The following SIMC1 variants were observed in gnomAD, a reference collection of about 807,000 sequenced individuals.
SIMC1 encodes the protein SUMO interacting motifs containing 1.
Under a neutral mutation model 82.3 loss-of-function variants are expected in SIMC1, and 55 were observed. That is an observed-to-expected ratio of 0.67 (90% CI 0.54 to 0.84). SIMC1 has a LOEUF of 0.84. Among genes scored for constraint, SIMC1 ranks in the 40% least tolerant of loss-of-function variants. The pLI is 0.00. For synonymous variants in SIMC1, 353 were observed against 426.3 expected, an observed-to-expected ratio of 0.83 and a Z score of 2.12; for missense variants, 915 against 1,107.2, an observed-to-expected ratio of 0.83 and a Z score of 2.46.
intron 4 of SIMC1, among the ~76,000 whole-genome samples, chr5:176,307,024 A>G (rs1423364291): frequency 6.6e-6 from 1 of 152,254 alleles, no homozygotes; most frequent in Non-Finnish European, 1.5e-5. Flanking sequence ...CAAAGATGAT[A>G]TGGAAATGGC....
At chr5:176,289,437 G>A (rs1763444061) in intron 1 of SIMC1, among the ~76,000 whole-genome samples, 1 of 152,010 alleles carries the variant, frequency 6.6e-6, no homozygotes, top group Non-Finnish European at 1.5e-5. Flanking sequence ...ATCCCACTGT[G>A]ATCCTAGTCA....
chr5:176,327,113 G>T (rs917036843), intron 7 of SIMC1, among the ~76,000 whole-genome samples: 1 of 152,116 alleles, frequency 6.6e-6, no homozygotes, highest in Non-Finnish European at 1.5e-5. Flanking sequence ...ATTCATTCAT[G>T]TAAGCCCAGA....
At chr5:176,251,927 G>A (rs962075068) in intron 1 of SIMC1, among the ~76,000 whole-genome samples, 7 of 149,710 alleles carry the variant, frequency 4.7e-5, no homozygotes, top group Non-Finnish European at 7.4e-5. Flanking sequence ...GGATCCCAAG[G>A]CAGAAGAATT....
In SIMC1 at chr5:176,301,553, G is replaced by A. The variant is rs145301254; in HGVS notation, c.1734+5233G>A. On this transcript the variant is annotated intron_variant, in intron 4 of 9. Transcript: ENST00000429602. ...AGCACTTTGGGAGGCCAAGGTGGGC[G>A]GATTGCTTGAGGCCAGGAGTTCAAG... 4.1e-4 allele frequency among the ~76,000 whole-genome samples: 63 copies of A among 152,264 alleles called. No individual in the cohort carries two copies. The East Asian group carries it at 8.5e-3, about 21-fold the overall frequency.
At chr5:176,308,869 C>T (rs1764539635) in intron 4 of SIMC1, 1 of 1,331,624 alleles carries the variant, frequency 7.5e-7, no homozygotes, top group East Asian at 2.3e-5. Flanking sequence ...CAGTGTTTAC[C>T]AAGAATCTGT....
intron 1 of SIMC1, among the ~76,000 whole-genome samples, chr5:176,240,344 AT>A (rs1761240093): frequency 9.1e-6 from 1 of 109,608 alleles, no homozygotes; most frequent in Non-Finnish European, 2.0e-5. Context: ...AGTGTTGTCC[AT>A]TTTCCCTCAT....
chr5:176,285,482 G>A (rs186093756), intron 1 of SIMC1, among the ~76,000 whole-genome samples: 2,643 of 152,214 alleles, frequency 0.017, 83 homozygotes, highest in African/African-American at 0.059. Flanking sequence ...TTGATGGGAC[G>A]TATCTCAAAA....
At chr5:176,312,624 A>C (rs1370287283) in intron 4 of SIMC1, among the ~76,000 whole-genome samples, 3 of 152,150 alleles carry the variant, frequency 2.0e-5, no homozygotes, top group Non-Finnish European at 4.4e-5. Context: ...TTAGAGAAAA[A>C]TAAACACCTT....
intron 1 of SIMC1, among the ~76,000 whole-genome samples, chr5:176,256,006 CA>C (rs1761841601): frequency 6.6e-6 from 1 of 152,092 alleles, no homozygotes; most frequent in Non-Finnish European, 1.5e-5. Flanking sequence ...AAACAAGATA[CA>C]GCAAAAGTTT....
chr5:176,299,705 C>G (rs1251818323), intron 4 of SIMC1, among the ~76,000 whole-genome samples: 1 of 152,142 alleles, frequency 6.6e-6, no homozygotes, highest in Non-Finnish European at 1.5e-5. Context: ...ACCCCACTTT[C>G]AATAATGGAG....
At chr5:176,324,000 A>T (rs180510) in intron 6 of SIMC1, among the ~76,000 whole-genome samples, 102,704 of 141,636 alleles carry the variant, frequency 0.73, 37,144 homozygotes, top group Middle Eastern at 0.83. Flanking sequence ...AAAAAAAAAA[A>T]AAAAAAAAAA....
At chr5:176,305,900 T>G (rs1581283706) in intron 4 of SIMC1, among the ~76,000 whole-genome samples, 1 of 62,154 alleles carries the variant, frequency 1.6e-5, no homozygotes, top group African/African-American at 6.9e-5. Flanking sequence ...GTCCGGGAGG[T>G]GAGGGGCGCT....
At chr5:176,317,005 G>A (rs897859079) in intron 5 of SIMC1, among the ~76,000 whole-genome samples, 1 of 152,116 alleles carries the variant, frequency 6.6e-6, no homozygotes, top group Non-Finnish European at 1.5e-5. Context: ...CAACAACAAA[G>A]ATAGGCATTT....
At chr5:176,275,288 T>C (rs1310882909) in intron 1 of SIMC1, among the ~76,000 whole-genome samples, 4 of 152,060 alleles carry the variant, frequency 2.6e-5, no homozygotes, top group East Asian at 1.9e-4. Flanking sequence ...GTTATTGGTG[T>C]ATAAGAATGC....
chr5:176,241,962 A>G (rs1761290441), intron 1 of SIMC1, among the ~76,000 whole-genome samples: 1 of 152,108 alleles, frequency 6.6e-6, no homozygotes, highest in Non-Finnish European at 1.5e-5. Flanking sequence ...TCTTGAGAGC[A>G]CATCCAGCAT....
intron 4 of SIMC1, among the ~76,000 whole-genome samples, chr5:176,303,325 A>ATTTTT (rs374155075): frequency 3.2e-5 from 4 of 123,152 alleles, no homozygotes; most frequent in Admixed American, 9.5e-5. Flanking sequence ...AGCCAAAGCA[A>ATTTTT]TTTTTTTTTT....
chr5:176,281,332 C>A (rs1762997022), intron 1 of SIMC1, among the ~76,000 whole-genome samples: 1 of 152,190 alleles, frequency 6.6e-6, no homozygotes, highest in Non-Finnish European at 1.5e-5. Flanking sequence ...ATACATTCGT[C>A]TAAATTTTTT....
intron 1 of SIMC1, among the ~76,000 whole-genome samples, chr5:176,258,249 T>A (rs915711043): frequency 1.3e-5 from 2 of 152,080 alleles, no homozygotes; most frequent in African/African-American, 4.8e-5. Context: ...CCAGGTACCA[T>A]GTCAAGTGCT....
intron 1 of SIMC1, among the ~76,000 whole-genome samples, chr5:176,267,762 T>TTG (rs1762259780): frequency 1.8e-5 from 1 of 54,300 alleles, no homozygotes; most frequent in Non-Finnish European, 3.4e-5. Flanking sequence ...TTTTTTTTTT[T>TTG]GTCCCCCAGG....
Sources: gnomAD v4.1 joint callset for allele counts (sites outside exome capture counted in the v4.1 genomes callset) on GRCh38, gnomAD v4.1.1 for gene constraint, MANE v1.5 for transcripts, NCBI Gene and HGNC (gene_info 2026-07-23, HGNC 2026-07-21) for gene names.